Variants in STARD13 observed in about 807,000 individuals in gnomAD.
STARD13 encodes the protein StAR related lipid transfer domain containing 13, also known as stAR-related lipid transfer protein 13.
Under a neutral mutation model 106.4 loss-of-function variants are expected in STARD13, and 62 were observed. The observed-to-expected ratio is 0.58, with a 90% CI of 0.48 to 0.72. STARD13 has a LOEUF of 0.72. STARD13 is among the 30% of genes least tolerant of loss of function. The pLI, the probability that STARD13 is intolerant of heterozygous loss-of-function variation, is 0.00. For synonymous variants in STARD13, 565 were observed against 553.0 expected (o/e 1.02, Z -0.31); for missense variants, 1,387 against 1,424.0 (o/e 0.97, Z 0.42).
intron 1 of STARD13, among the ~76,000 whole-genome samples, chr13:33,208,476 A>T (rs1302162166): frequency 6.6e-6 from 1 of 152,150 alleles, no homozygotes; most frequent in African/African-American, 2.4e-5. Context: ...TGAGTCATCA[A>T]AGGTGGGGCG....
intron 1 of STARD13, among the ~76,000 whole-genome samples, chr13:33,339,082 CTG>C: frequency 6.6e-6 from 1 of 152,224 alleles, no homozygotes; most frequent in East Asian, 1.9e-4. Flanking sequence ...GGGCCAGACA[CTG>C]TGCTAAGTTC....
the STARD13 span, among the ~76,000 whole-genome samples, chr13:33,481,915 G>A: frequency 6.6e-6 from 1 of 151,476 alleles, no homozygotes; most frequent in South Asian, 2.1e-4. Context: ...CCCAAGGGGC[G>A]GAGCTTGCAG....
Position 33,121,669 on chromosome 13 carries a change from C to CT in STARD13, c.2083-3407dup, listed in dbSNP as rs398022242. 2.3e-3 allele frequency among the ~76,000 whole-genome samples: 254 copies of CT among 110,432 alleles called. 5 individuals carry two copies. The highest frequency in any genetic ancestry group is 0.021 in the Middle Eastern group (4 of 188). 72.4% of individuals were successfully genotyped at this position (110,432 alleles called of 152,430 possible). A position where few individuals can be genotyped will look rare whatever the true frequency, so the allele number is the denominator to read the frequency against. On this transcript the variant is annotated intron_variant, in intron 7 of 13. Coordinates refer to ENST00000336934, the MANE Select transcript of STARD13 (RefSeq NM_178006.4). ...ATGGAGAAGAAACCTGTTGTTCATC[C>CT]TTTTTTTTTTTTTTTTTTGAGACAG...
chr13:33,365,603 GC>G, the STARD13 span, among the ~76,000 whole-genome samples: 9 of 152,166 alleles, frequency 5.9e-5, no homozygotes, highest in Non-Finnish European at 4.4e-5. Flanking sequence ...AAGATAAAAT[GC>G]CACGATTTCA....
At chr13:33,481,078 T>C in the STARD13 span, among the ~76,000 whole-genome samples, 1 of 151,898 alleles carries the variant, frequency 6.6e-6, no homozygotes, top group African/African-American at 2.4e-5. Flanking sequence ...CAATAACAAC[T>C]AATAATTCAC....
At chr13:33,544,532 G>A in the STARD13 span, among the ~76,000 whole-genome samples, 1,552 of 152,136 alleles carry the variant, frequency 0.01, 15 homozygotes, top group Middle Eastern at 0.02. Flanking sequence ...GAAAGCAGTC[G>A]GTTTTCTGGT....
chr13:33,595,209 A>G, the STARD13 span, among the ~76,000 whole-genome samples: 1 of 152,170 alleles, frequency 6.6e-6, no homozygotes, highest in African/African-American at 2.4e-5. Context: ...TATTGGGGTT[A>G]AGAGAGAAGC....
chr13:33,550,565 T>C, the STARD13 span, among the ~76,000 whole-genome samples: 3 of 152,242 alleles, frequency 2.0e-5, no homozygotes, highest in Admixed American at 6.5e-5. Flanking sequence ...AATATCTCCC[T>C]TGCTTCATGA....
chr13:33,388,070 T>A, the STARD13 span, among the ~76,000 whole-genome samples: 2 of 151,678 alleles, frequency 1.3e-5, no homozygotes, highest in Non-Finnish European at 2.9e-5. Flanking sequence ...GGAGCTAGAG[T>A]TCAATGGTGC....
chr13:33,609,085 C>CAAAA, the STARD13 span, among the ~76,000 whole-genome samples: 12 of 50,512 alleles, frequency 2.4e-4, no homozygotes, highest in East Asian at 6.0e-4. Flanking sequence ...GACTCCGTCT[C>CAAAA]AAAAAAAAAA....
At chr13:33,132,487 A>G (rs1349926682) in intron 4 of STARD13, among the ~76,000 whole-genome samples, 2 of 152,238 alleles carry the variant, frequency 1.3e-5, no homozygotes, top group African/African-American at 4.8e-5. Flanking sequence ...GCCTGCTTAC[A>G]TGAAACTGTG....
chr13:33,402,962 C>A, the STARD13 span, among the ~76,000 whole-genome samples: 4 of 152,258 alleles, frequency 2.6e-5, no homozygotes, highest in Non-Finnish European at 5.9e-5. Flanking sequence ...GGACACTGGG[C>A]AAGAGCTCGG....
At chr13:33,662,090 G>A in the STARD13 span, among the ~76,000 whole-genome samples, 859 of 151,852 alleles carry the variant, frequency 5.7e-3, 9 homozygotes, top group African/African-American at 0.019. Flanking sequence ...GTGAAACCCC[G>A]TCTCTACTAA....
chr13:33,569,764 A>G, the STARD13 span, among the ~76,000 whole-genome samples: 1 of 148,016 alleles, frequency 6.8e-6, no homozygotes, highest in South Asian at 2.2e-4. Flanking sequence ...TAGATTATTA[A>G]CTTTCAGACA....
chr13:33,224,770 G>C (rs1302184866), intron 1 of STARD13, among the ~76,000 whole-genome samples: 1 of 152,210 alleles, frequency 6.6e-6, no homozygotes, highest in African/African-American at 2.4e-5. Flanking sequence ...ATGGGTCTCT[G>C]TTCCTTCAGA....
At chr13:33,202,571 A>T (rs1018969124) in intron 1 of STARD13, among the ~76,000 whole-genome samples, 6 of 152,250 alleles carry the variant, frequency 3.9e-5, no homozygotes, top group Admixed American at 2.0e-4. Flanking sequence ...GAAGATGTGT[A>T]AATAAAGAAT....
rs1338947598 is a variant in STARD13, at chr13:33,165,320, T to C, written c.323+17A>G. 38 of 1,595,002 alleles carry C rather than the reference T, an allele frequency of 2.4e-5. No homozygotes were observed. Among genetic ancestry groups the C allele is most frequent in the Non-Finnish European group, 3.3e-5 (38 of 1,162,858 alleles). Reference sequence around the variant, plus strand: ...ACTGAACAGTGGAAAGAAACAAAAATACTTCACATGGTTTACCTGCAAAGA... The same window carrying C: ...ACTGAACAGTGGAAAGAAACAAAAACACTTCACATGGTTTACCTGCAAAGA... On this transcript the variant is annotated intron_variant, in intron 3 of 13. Transcript: ENST00000336934.
chr13:33,351,593 A>G (rs2078079745), upstream of STARD13, among the ~76,000 whole-genome samples: 1 of 152,226 alleles, frequency 6.6e-6, no homozygotes, highest in Non-Finnish European at 1.5e-5. Flanking sequence ...CTGTGACAAC[A>G]TTTAACTAAT....
At chr13:33,328,590 A>T (rs2077802698) in intron 1 of STARD13, among the ~76,000 whole-genome samples, 1 of 152,194 alleles carries the variant, frequency 6.6e-6, no homozygotes, top group South Asian at 2.1e-4. Flanking sequence ...AAAGGGTAAG[A>T]GGGATGGGGT....
Sources: allele counts gnomAD v4.1 joint callset (sites outside exome capture counted in the v4.1 genomes callset), GRCh38; gene constraint gnomAD v4.1.1; transcripts MANE v1.5; gene names NCBI Gene and HGNC (gene_info 2026-07-23, HGNC 2026-07-21).